Variants in TTC23 observed in about 807,000 individuals in gnomAD.
TTC23 encodes tetratricopeptide repeat domain 23.
Under a neutral mutation model 55.1 loss-of-function variants are expected in TTC23, and 58 were observed. The ratio of observed to expected loss-of-function variants is 1.05; its 90% confidence interval spans 0.85 to 1.31. The LOEUF (loss-of-function observed/expected upper bound fraction) is 1.31, where lower values mean the gene tolerates loss of function less well. Ranked by LOEUF, TTC23 falls within the 50% of genes most tolerant of loss-of-function variation. The pLI is 0.00. For missense variants in TTC23, 516 were observed against 534.4 expected (o/e 0.97, Z 0.34); for synonymous variants, 203 against 199.9 (o/e 1.02, Z -0.13).
chr15:99,161,921 A>G, intron 10 of TTC23, 54 bp from the exon 11 acceptor site: 1 of 1,544,854 alleles, frequency 6.5e-7, no homozygotes, highest in Non-Finnish European at 8.7e-7. Flanking sequence ...TTTGAAATGG[A>G]AACAGAATAA....
chr15:99,157,678 A>G lies in TTC23; in HGVS notation c.994-1381T>C, dbSNP rs182029674. ...GGAAATCGTTTAGGAAACTGAAAGT[A>G]AACATTCCAACATGACATGACATTT... On this transcript the variant is annotated intron_variant, in intron 11 of 13. Transcript: ENST00000394132. The G allele has an allele frequency of 8.5e-5, 13 of 152,368 alleles. No homozygotes were observed. In the East Asian group the frequency reaches 2.5e-3, roughly 29 times the overall value. The allele number at this position is 152,368 out of a possible 1,614,324, so 9.4% of individuals were successfully genotyped here. A position where few individuals can be genotyped will look rare whatever the true frequency, so the allele number is the denominator to read the frequency against.
chr15:99,139,611 C>G (rs1404860082), intron 12 of TTC23: 6 of 1,523,674 alleles, frequency 3.9e-6, no homozygotes, highest in Non-Finnish European at 4.4e-6. Flanking sequence ...CACTATTTCA[C>G]AAAACTCTCT....
chr15:99,141,986 C>G (rs1264449112), intron 12 of TTC23, among the ~76,000 whole-genome samples: 1 of 152,172 alleles, frequency 6.6e-6, no homozygotes, highest in East Asian at 1.9e-4. Flanking sequence ...AAGCCCTTGA[C>G]TTTCTAAATC....
intron 9 of TTC23, among the ~76,000 whole-genome samples, chr15:99,187,462 A>AAAAAAAAAAAAAAAAAAAAAAAAAG (rs1230105824): frequency 1.3e-4 from 17 of 132,538 alleles, no homozygotes; most frequent in Non-Finnish European, 2.5e-4. Flanking sequence ...CAAAAAAAAA[A>AAAAAAAAAAAAAAAAAAAAAAAAAG]AAAAAACAAA....
chr15:99,215,884 A>C (rs971428628), intron 8 of TTC23, among the ~76,000 whole-genome samples: 68 of 152,336 alleles, frequency 4.5e-4, no homozygotes, highest in Admixed American at 3.6e-3. Flanking sequence ...AAAGAACAAA[A>C]AGTTGGCAGG....
intron 3 of TTC23, among the ~76,000 whole-genome samples, chr15:99,237,350 T>C (rs1204497852): frequency 6.6e-6 from 1 of 152,168 alleles, no homozygotes; most frequent in East Asian, 1.9e-4. Context: ...CAAATGTTCA[T>C]AGAATTTTTA....
intron 12 of TTC23, among the ~76,000 whole-genome samples, chr15:99,143,090 A>G (rs2068434990): frequency 6.6e-6 from 1 of 152,236 alleles, no homozygotes; most frequent in Admixed American, 6.5e-5. Context: ...ACAAATCCTC[A>G]GCCCCTCACT....
chr15:99,239,801 G>T (rs2079618769), intron 3 of TTC23, among the ~76,000 whole-genome samples: 1 of 152,138 alleles, frequency 6.6e-6, no homozygotes, highest in Non-Finnish European at 1.5e-5. Flanking sequence ...ATGTGATTTG[G>T]GCAATACCAA....
intron 10 of TTC23, among the ~76,000 whole-genome samples, chr15:99,162,454 G>A (rs1425286093): frequency 6.6e-6 from 1 of 152,096 alleles, no homozygotes; most frequent in Non-Finnish European, 1.5e-5. Flanking sequence ...AAAACCTCAG[G>A]TATGGAAAAT....
chr15:99,227,280 C>T lies in TTC23; in HGVS notation c.180+1253G>A, dbSNP rs545431364. 2.0e-5 allele frequency among the ~76,000 whole-genome samples: 3 copies of T among 152,270 alleles called. No individual in the cohort carries two copies. In the South Asian group the frequency reaches 6.2e-4, roughly 32 times the overall value. ...CAGACCTTGGGTGGTGGGAATTCTA[C>T]ACACCCCATCTTTCTCACTCTCACA... On this transcript the variant is annotated intron_variant, in intron 5 of 13. Transcript: ENST00000394132.
chr15:99,204,131 C>G (rs2076419490), intron 8 of TTC23, among the ~76,000 whole-genome samples: 1 of 152,164 alleles, frequency 6.6e-6, no homozygotes, highest in African/African-American at 2.4e-5. Flanking sequence ...GAGTGTCCCC[C>G]TTTCTCCACA....
At chr15:99,218,264 G>C (rs565596360) in intron 8 of TTC23, among the ~76,000 whole-genome samples, 1 of 152,252 alleles carries the variant, frequency 6.6e-6, no homozygotes, top group African/African-American at 2.4e-5. Context: ...ACTGGAGCAG[G>C]GCAGGGAAAA....
chr15:99,138,795 G>A (rs549730417), intron 13 of TTC23, among the ~76,000 whole-genome samples: 27 of 152,314 alleles, frequency 1.8e-4, no homozygotes, highest in African/African-American at 5.8e-4. Flanking sequence ...TGTCTGCTCC[G>A]GGCTGTGGCC....
chr15:99,145,863 T>C (rs1555492978), intron 12 of TTC23, among the ~76,000 whole-genome samples: 1 of 151,854 alleles, frequency 6.6e-6, no homozygotes, highest in East Asian at 1.9e-4. Context: ...TGCAGGGAAA[T>C]GGGAGATGAA....
intron 11 of TTC23, chr15:99,157,211 G>GTTTTTT (rs35448548): frequency 1.8e-5 from 2 of 108,704 alleles, no homozygotes; most frequent in Admixed American, 1.0e-4. Context: ...AAATCTGGAG[G>GTTTTTT]TTTTTTTTTT....
intron 4 of TTC23, among the ~76,000 whole-genome samples, chr15:99,230,099 C>A (rs1395458376): frequency 1.3e-5 from 2 of 152,010 alleles, no homozygotes; most frequent in Non-Finnish European, 2.9e-5. Context: ...AAAACTGACC[C>A]AGAATTGACA....
rs143462934 is a variant in TTC23, at chr15:99,240,996, T to C, written c.-114+369A>G. ...TGTATGTGTTTCAATGTATGTGGCA[T>C]CACACAGTAACATCCTCAACATAAA... On this transcript the variant is annotated intron_variant, in intron 3 of 13. Transcript: ENST00000394132. Among the ~76,000 whole-genome samples, 765 of 152,302 alleles carry C rather than the reference T, an allele frequency of 5.0e-3. 5 individuals are homozygous for C. Among genetic ancestry groups the C allele is most frequent in the Non-Finnish European group, 6.5e-3 (439 of 68,036 alleles).
intron 2 of TTC23, among the ~76,000 whole-genome samples, chr15:99,242,802 AC>A (rs1377880419): frequency 6.6e-6 from 1 of 152,224 alleles, no homozygotes; most frequent in East Asian, 1.9e-4. Context: ...GATTAAAAAA[AC>A]TTCCCCAACC....
chr15:99,236,099 T>C (rs1015930275), intron 3 of TTC23, among the ~76,000 whole-genome samples: 3 of 152,220 alleles, frequency 2.0e-5, no homozygotes, highest in Non-Finnish European at 4.4e-5. Flanking sequence ...CTATTGAACA[T>C]TAATGTACAA....
Sources: gnomAD v4.1 joint callset for allele counts (sites outside exome capture counted in the v4.1 genomes callset) on GRCh38, gnomAD v4.1.1 for gene constraint, MANE v1.5 for transcripts, NCBI Gene and HGNC (gene_info 2026-07-23, HGNC 2026-07-21) for gene names.